The following DTNBP1 variants were observed in gnomAD, a reference collection of about 807,000 sequenced individuals.
The protein encoded by DTNBP1 is dystrobrevin binding protein 1.
DTNBP1 carries 35 observed loss-of-function variants against 42.8 expected under a neutral mutation model. That is an observed-to-expected ratio of 0.82 (90% CI 0.63 to 1.09). The LOEUF (loss-of-function observed/expected upper bound fraction) is 1.09, where lower values mean the gene tolerates loss of function less well. Ranked by LOEUF, DTNBP1 falls within the 50% of genes least tolerant of loss-of-function variation. The pLI, the probability that DTNBP1 is intolerant of heterozygous loss-of-function variation, is 0.00. For missense variants in DTNBP1, 457 were observed against 424.2 expected (o/e 1.08, Z -0.68); for synonymous variants, 171 against 162.2 (o/e 1.05, Z -0.41).
chr6:15,557,358 T>C (rs1313781561), intron 7 of DTNBP1, among the ~76,000 whole-genome samples: 1 of 152,072 alleles, frequency 6.6e-6, no homozygotes, highest in African/African-American at 2.4e-5. Context: ...AAGACTAATC[T>C]TGTAAAAGAA....
chr6:15,576,494 G>A (rs1775579033), intron 7 of DTNBP1, among the ~76,000 whole-genome samples: 1 of 151,160 alleles, frequency 6.6e-6, no homozygotes, highest in African/African-American at 2.4e-5. Context: ...ATGTATTTTA[G>A]GCTGGTAGCA....
At chr6:15,597,506 G>A (rs9464803) in intron 6 of DTNBP1, among the ~76,000 whole-genome samples, 19,224 of 152,146 alleles carry the variant, frequency 0.13, 1,538 homozygotes, top group African/African-American at 0.23. Flanking sequence ...GCATAAAAAT[G>A]CTAATAATAA....
intron 6 of DTNBP1, among the ~76,000 whole-genome samples, chr6:15,602,548 T>A (rs1293530655): frequency 6.6e-6 from 1 of 152,170 alleles, no homozygotes; most frequent in Non-Finnish European, 1.5e-5. Flanking sequence ...CAGTAACTGA[T>A]GGAACATAAA....
intron 7 of DTNBP1, among the ~76,000 whole-genome samples, chr6:15,558,879 T>A (rs150393110): frequency 1.3e-5 from 2 of 152,364 alleles, no homozygotes; most frequent in African/African-American, 4.8e-5. Context: ...GATATTGCAG[T>A]ACATTCTTAA....
intron 3 of DTNBP1, among the ~76,000 whole-genome samples, chr6:15,638,412 C>T (rs1358849960): frequency 6.6e-6 from 1 of 152,026 alleles, no homozygotes; most frequent in Non-Finnish European, 1.5e-5. Flanking sequence ...GCCACTGTGC[C>T]TGGCCCCAAT....
intron 6 of DTNBP1, among the ~76,000 whole-genome samples, chr6:15,600,862 G>C (rs1049167753): frequency 6.6e-6 from 1 of 152,220 alleles, no homozygotes; most frequent in African/African-American, 2.4e-5. Context: ...AGAAGTCCAG[G>C]AATAGCTGTG....
In DTNBP1 at chr6:15,637,825, AT is replaced by A. The variant is rs767803042; in HGVS notation, c.162-22del. On this transcript the variant is annotated intron_variant, in intron 3 of 9. Transcript: ENST00000344537. ...CATACCTAAAAAAAAGCAAAAAATA[AT>A]TTGAAATGCAAACCACACATTAAAA... 7.5e-6 allele frequency: 12 copies of A among 1,608,668 alleles called. No homozygotes were observed. In the East Asian group the frequency reaches 2.7e-4, roughly 36 times the overall value.
chr6:15,631,928 G>C (rs1389440381), intron 4 of DTNBP1, among the ~76,000 whole-genome samples: 2 of 152,188 alleles, frequency 1.3e-5, no homozygotes, highest in African/African-American at 4.8e-5. Flanking sequence ...AAACAAAACT[G>C]TCATCTGCAA....
rs372351883 is a variant in DTNBP1 at position 15,655,985 on chromosome 6, A to G, written c.57-3845T>C. ...TGAAGGAAATACTGACCTAGGGGGA[A>G]TATTCCAGTTTCCTCAAATGTAAAA... On this transcript the variant is annotated intron_variant, in intron 1 of 9. Transcript: ENST00000344537. Among the ~76,000 whole-genome samples, 24 of 152,342 alleles carry G rather than the reference A, an allele frequency of 1.6e-4. No homozygotes were observed. In the South Asian group the frequency reaches 5.0e-3, roughly 32 times the overall value.
intron 7 of DTNBP1, among the ~76,000 whole-genome samples, chr6:15,540,528 C>T (rs1452361015): frequency 1.3e-5 from 2 of 152,192 alleles, no homozygotes; most frequent in Admixed American, 6.5e-5. Context: ...TTGATTCTCT[C>T]GTGTTGCTGA....
intron 5 of DTNBP1, among the ~76,000 whole-genome samples, 194 bp from the exon 6 acceptor site, chr6:15,615,593 C>T (rs1758673779): frequency 6.6e-6 from 1 of 152,128 alleles, no homozygotes; most frequent in Admixed American, 6.5e-5. Context: ...ACTTTTTTGA[C>T]TACATTTCAA....
chr6:15,522,903 G>T lies in DTNBP1; in HGVS notation c.*72C>A. 2 of 1,613,190 alleles carry T rather than the reference G, an allele frequency of 1.2e-6. No homozygotes were observed. Among genetic ancestry groups the T allele is most frequent in the Non-Finnish European group, 1.7e-6 (2 of 1,179,588 alleles). On this transcript the variant is annotated 3_prime_UTR_variant, in exon 10 of 10. Coordinates refer to ENST00000344537, the MANE Select transcript of DTNBP1 (RefSeq NM_032122.5). ...TCAAGAACCTCTATAAAACAACCTGGCTTTCCAGGTGGAATTCCGCATACA... is the reference window on the plus strand; with the variant it reads ...TCAAGAACCTCTATAAAACAACCTGTCTTTCCAGGTGGAATTCCGCATACA...
rs1331504924 is a variant in DTNBP1 at position 15,533,388 on chromosome 6, T to C, written c.519A>G (p.Leu173=). The change falls in exon 8 of 10, where the codon CTA becomes CTG. Residue 173 remains leucine (L), a synonymous_variant. Transcript: ENST00000344537. ...GGACCTTCTGGGCGTGCTCTGCATC[T>C]AGTTCAGCTGAGGAAACAGAATAAC... ...RKELETFKAE[L]DAEHAQKVLE... is the part of the protein sequence containing the mutation. 25 of 1,614,256 alleles carry C rather than the reference T, an allele frequency of 1.5e-5. No individual in the cohort carries two copies. Among genetic ancestry groups the C allele is most frequent in the Non-Finnish European group, 2.0e-5 (24 of 1,180,048 alleles).
At position 15,591,881 on chromosome 6, in the gene DTNBP1, T is replaced by G. The variant is rs140320531; in HGVS notation, c.511+1178A>C. On this transcript the variant is annotated intron_variant, in intron 7 of 9. Transcript: ENST00000344537. ...AAGGAAAAGGCATTTTATAAGGATT[T>G]CAAATCTTATTTTAAACCACTGATT... Among the ~76,000 whole-genome samples, 215 of 152,362 alleles carry G rather than the reference T, an allele frequency of 1.4e-3. 1 individual carries two copies. Among genetic ancestry groups the G allele is most frequent in the African/African-American group, 4.9e-3 (204 of 41,584 alleles).
chr6:15,526,736 C>G (rs1017303717), intron 8 of DTNBP1, among the ~76,000 whole-genome samples: 2 of 152,180 alleles, frequency 1.3e-5, no homozygotes, highest in South Asian at 2.1e-4. Flanking sequence ...CCTACGGAAG[C>G]CTTTCGCCAA....
chr6:15,641,217 GTGTTTT>G (rs761158248), intron 3 of DTNBP1, among the ~76,000 whole-genome samples: 14 of 152,228 alleles, frequency 9.2e-5, no homozygotes, highest in Non-Finnish European at 1.5e-4. Context: ...GTGTGTGTGC[GTGTTTT>G]TGTTTTTGTT....
intron 7 of DTNBP1, among the ~76,000 whole-genome samples, chr6:15,559,729 A>G (rs1161990800): frequency 6.6e-6 from 1 of 152,188 alleles, no homozygotes; most frequent in East Asian, 1.9e-4. Context: ...CTTCTCCATG[A>G]CAACGCCCAA....
At chr6:15,640,753 TA>T (rs911022140) in intron 3 of DTNBP1, among the ~76,000 whole-genome samples, 4 of 152,188 alleles carry the variant, frequency 2.6e-5, no homozygotes. Context: ...CTGTCTGATG[TA>T]ACTATTTTGG....
intron 8 of DTNBP1, among the ~76,000 whole-genome samples, chr6:15,526,803 T>C (rs1197047439): frequency 1.3e-5 from 2 of 152,192 alleles, no homozygotes; most frequent in Non-Finnish European, 2.9e-5. Flanking sequence ...GTCTGTGCCA[T>C]CTTCTTGAAA....
Sources: allele counts gnomAD v4.1 joint callset (sites outside exome capture counted in the v4.1 genomes callset), GRCh38; gene constraint gnomAD v4.1.1; transcripts MANE v1.5; gene names NCBI Gene and HGNC (gene_info 2026-07-23, HGNC 2026-07-21).